IER3IP1: variants seen among roughly 807,000 people sequenced by gnomAD.
IER3IP1 encodes the protein immediate early response 3 interacting protein 1, also known as immediate early response 3-interacting protein 1.
In IER3IP1, 16 loss-of-function variants were observed where a neutral mutation model predicts 12.2. The observed-to-expected ratio is 1.31, with a 90% confidence interval of 0.89 to 1.99. The LOEUF is 1.99. Ranked by LOEUF, IER3IP1 falls within the 30% of genes most tolerant of loss-of-function variation. The pLI is 0.00. For synonymous variants in IER3IP1, 42 were observed against 40.0 expected (o/e 1.05, Z -0.19); for missense variants, 95 against 95.8 (o/e 0.99, Z 0.03).
intron 1 of IER3IP1, 49 bp downstream of exon 1, chr18:47,176,138 C>T (rs1600005584): frequency 6.7e-7 from 1 of 1,494,940 alleles, no homozygotes. Flanking sequence ...GTTACGCGCC[C>T]CCGGGGACTC....
At chr18:47,162,054 G>A (rs2063981494) in intron 1 of IER3IP1, among the ~76,000 whole-genome samples, 1 of 152,106 alleles carries the variant, frequency 6.6e-6, no homozygotes, top group South Asian at 2.1e-4. Flanking sequence ...GGGAGTGGCT[G>A]TAAATACAGA....
In IER3IP1 at chr18:47,176,356, C is replaced by T. The variant is rs2144444137; in HGVS notation, c.-79G>A. On this transcript the variant is annotated 5_prime_UTR_variant, in exon 1 of 3. Transcript: ENST00000256433. ...GGACGTGGCGCCTCCACGGCCGGCG[C>T]CTTCCTACGGAAGCCGATGGGGCCC... 1 of 1,291,612 alleles carries T rather than the reference C, an allele frequency of 7.7e-7. No individual in the cohort carries two copies. Among genetic ancestry groups the T allele is most frequent in the Non-Finnish European group, 1.1e-6 (1 of 918,624 alleles). 80.0% of individuals were successfully genotyped at this position (1,291,612 alleles called of 1,614,324 possible). A position where few individuals can be genotyped will look rare whatever the true frequency, so the allele number is the denominator to read the frequency against.
intron 1 of IER3IP1, among the ~76,000 whole-genome samples, chr18:47,168,517 T>C (rs555751556): frequency 1.6e-4 from 25 of 152,288 alleles, no homozygotes; most frequent in African/African-American, 6.0e-4. Context: ...GTAAAGGAAT[T>C]ATCCAATATA....
At chr18:47,162,455 A>AT in intron 1 of IER3IP1, among the ~76,000 whole-genome samples, 2 of 152,312 alleles carry the variant, frequency 1.3e-5, no homozygotes, top group African/African-American at 4.8e-5. Context: ...AGAAAAATGC[A>AT]TTTTTTAAAT....
At position 47,153,559 on chromosome 18, in the gene IER3IP1, A is replaced by C. The variant is rs2063948283; in HGVS notation, c.*2618T>G. On this transcript the variant is annotated 3_prime_UTR_variant, in exon 3 of 3. Transcript: ENST00000256433. ...CACTCTTTCTCACCCTCCACCCTCA[A>C]ATAGCCCCCAGTGTCTGTTGTCCCC... 6.6e-6 allele frequency: 1 copy of C among 151,900 alleles called. No homozygotes were observed. The highest frequency in any genetic ancestry group is 1.9e-4 in the East Asian group (1 of 5,172). The allele number at this position is 151,900 out of a possible 1,614,324, so 9.4% of individuals were successfully genotyped here. A position where few individuals can be genotyped will look rare whatever the true frequency, so the allele number is the denominator to read the frequency against.
rs144389288 is a variant in IER3IP1 at position 47,156,650 on chromosome 18, T to C, written c.194-418A>G. On this transcript the variant is annotated intron_variant, in intron 2 of 2. Coordinates refer to ENST00000256433, the MANE Select transcript of IER3IP1 (RefSeq NM_016097.5). ...ACTTATTTAACATTGTATCCAAGGT[T>C]GTGAGTAAAGGGAGAAGAGGTACTA... is the stretch of plus-strand genomic sequence containing the variant. Among the ~76,000 whole-genome samples the C allele has an allele frequency of 2.0e-3, 310 of 152,310 alleles. 1 individual carries two copies. Among genetic ancestry groups the C allele is most frequent in the African/African-American group, 7.1e-3 (296 of 41,556 alleles).
At chr18:47,158,045 C>A (rs1010945919) in intron 1 of IER3IP1, among the ~76,000 whole-genome samples, 37 of 152,172 alleles carry the variant, frequency 2.4e-4, no homozygotes, top group Admixed American at 2.3e-3. Context: ...ATCATAATAC[C>A]AAAATACACA....
chr18:47,167,180 A>G (rs1455922153), intron 1 of IER3IP1, among the ~76,000 whole-genome samples: 1 of 152,000 alleles, frequency 6.6e-6, no homozygotes, highest in African/African-American at 2.4e-5. Context: ...CCTTTCAAGC[A>G]GCTGGGATTA....
At chr18:47,163,345 TA>T (rs2063985829) in intron 1 of IER3IP1, among the ~76,000 whole-genome samples, 1 of 152,308 alleles carries the variant, frequency 6.6e-6, no homozygotes, top group Admixed American at 6.5e-5. Flanking sequence ...GCAGGCAGCA[TA>T]CATAGCACGG....
intron 1 of IER3IP1, among the ~76,000 whole-genome samples, chr18:47,163,856 T>C (rs2063987530): frequency 6.6e-6 from 1 of 152,210 alleles, no homozygotes. Flanking sequence ...TGTGGCATCA[T>C]GTTATTTAAA....
chr18:47,169,316 T>C (rs2064007531), intron 1 of IER3IP1, among the ~76,000 whole-genome samples: 1 of 152,228 alleles, frequency 6.6e-6, no homozygotes, highest in African/African-American at 2.4e-5. Flanking sequence ...TATAGATATC[T>C]ACAGTTTAGT....
At position 47,172,407 on chromosome 18, in the gene IER3IP1, T is replaced by C. The variant is rs1009548465; in HGVS notation, c.91+3780A>G. 6.6e-6 allele frequency among the ~76,000 whole-genome samples: 1 copy of C among 152,222 alleles called. No homozygotes were observed. The highest frequency in any genetic ancestry group is 2.4e-5 in the African/African-American group (1 of 41,466). The stretch of plus-strand genomic sequence containing the variant: ...GTAATTGCTCTTATAAAATCACCAA[T>C]GACCTCCACTACCCTGAATCAGGAT... On this transcript the variant is annotated intron_variant, in intron 1 of 2. Coordinates refer to ENST00000256433, the MANE Select transcript of IER3IP1 (RefSeq NM_016097.5). The surrounding 1 kb of genome is among the most constrained non-coding windows in gnomAD (Gnocchi z 4.0).
rs1814905268 is a variant in IER3IP1 at position 47,172,793 on chromosome 18, C to A, written c.91+3394G>T. The stretch of plus-strand genomic sequence containing the variant: ...GAGGGGGGACTACTGTACTAAGCTA[C>A]TCAGTAACATCCCACTGTTGTAGTA... On this transcript the variant is annotated intron_variant, in intron 1 of 2. Transcript: ENST00000256433. This position sits in a 1 kb window ranked among gnomAD's most constrained non-coding sequence, Gnocchi z 4.0. Among the ~76,000 whole-genome samples the A allele has an allele frequency of 6.6e-6, 1 of 152,228 alleles. No homozygotes were observed. Among genetic ancestry groups the A allele is most frequent in the South Asian group, 2.1e-4 (1 of 4,832 alleles).
chr18:47,166,749 C>T (rs925625216), intron 1 of IER3IP1, among the ~76,000 whole-genome samples: 2 of 151,806 alleles, frequency 1.3e-5, no homozygotes, highest in Admixed American at 1.3e-4. Flanking sequence ...ATCTAAAAAC[C>T]CAAATTAAAA....
rs188486994 is a variant in IER3IP1 at position 47,174,583 on chromosome 18, C to T, written c.91+1604G>A. Reference sequence around the variant, plus strand: ...ATTCGGGAAGCTGAGGCAGGAGAATCGCTTGAACCTGGGAGGCGGAGGATG... The same window carrying T: ...ATTCGGGAAGCTGAGGCAGGAGAATTGCTTGAACCTGGGAGGCGGAGGATG... On this transcript the variant is annotated intron_variant, in intron 1 of 2. Coordinates refer to ENST00000256433, the MANE Select transcript of IER3IP1 (RefSeq NM_016097.5). 3.6e-3 allele frequency among the ~76,000 whole-genome samples: 543 copies of T among 151,774 alleles called. 3 individuals are homozygous for T. The highest frequency in any genetic ancestry group is 6.0e-3 in the Non-Finnish European group (405 of 67,946).
rs565912906 is a variant in IER3IP1 at position 47,175,593 on chromosome 18, G to A, written c.91+594C>T. The stretch of plus-strand genomic sequence containing the variant: ...ATTCTCCTGCCTCAGCCTCCCGCCC[G>A]GCTAATTTTTGTATTTCCACCACCA... On this transcript the variant is annotated intron_variant, in intron 1 of 2. Coordinates refer to ENST00000256433, the MANE Select transcript of IER3IP1 (RefSeq NM_016097.5). Among the ~76,000 whole-genome samples the A allele has an allele frequency of 6.6e-5, 10 of 152,110 alleles. No individual in the cohort carries two copies. The East Asian group carries it at 1.9e-3, about 29-fold the overall frequency.
intron 1 of IER3IP1, among the ~76,000 whole-genome samples, chr18:47,175,726 G>A (rs1038554518): frequency 1.3e-5 from 2 of 152,044 alleles, no homozygotes; most frequent in African/African-American, 2.4e-5. Flanking sequence ...CTGCCAAAGT[G>A]CTGGGATTAC....
intron 2 of IER3IP1, 161 bp downstream of exon 2, chr18:47,157,273 GAA>G (rs35638006): frequency 8.1e-4 from 404 of 500,706 alleles, no homozygotes; most frequent in Non-Finnish European, 9.1e-4. Context: ...AGCAAACTAA[GAA>G]AAAAAAAAAA....
intron 1 of IER3IP1, among the ~76,000 whole-genome samples, chr18:47,159,712 C>G (rs183407620): frequency 1.3e-5 from 2 of 152,204 alleles, no homozygotes; most frequent in Admixed American, 1.3e-4. Flanking sequence ...TCCTTAAGAG[C>G]TGGTTGGCTT....
Sources: allele counts gnomAD v4.1 joint callset (sites outside exome capture counted in the v4.1 genomes callset), GRCh38; gene constraint gnomAD v4.1.1; non-coding constraint Gnocchi (gnomAD v3.1); transcripts MANE v1.5; gene names NCBI Gene and HGNC (gene_info 2026-07-23, HGNC 2026-07-21).